Variants in CACNB2 observed in about 807,000 individuals in gnomAD.
The protein encoded by CACNB2 is voltage-dependent L-type calcium channel subunit beta-2.
A neutral mutation model predicts 73.3 loss-of-function variants in CACNB2; 42 were observed. The observed-to-expected ratio is 0.57, with a 90% CI of 0.45 to 0.74. The LOEUF is 0.74. Ranked by LOEUF, CACNB2 falls within the 30% of genes least tolerant of loss-of-function variation. The pLI, the probability that CACNB2 is intolerant of heterozygous loss-of-function variation, is 0.00. For missense variants in CACNB2, 940 were observed against 853.0 expected (o/e 1.10, Z -1.27); for synonymous variants, 348 against 310.3 (o/e 1.12, Z -1.28).
At chr10:18,449,666 G>A (rs1202283372) in intron 3 of CACNB2, among the ~76,000 whole-genome samples, 1 of 152,190 alleles carries the variant, frequency 6.6e-6, no homozygotes, top group Admixed American at 6.5e-5. Flanking sequence ...TACTGAATGA[G>A]GAAGCCAGGA....
chr10:18,353,302 C>G (rs1344951160), intron 2 of CACNB2, among the ~76,000 whole-genome samples: 3 of 151,942 alleles, frequency 2.0e-5, no homozygotes, highest in African/African-American at 7.3e-5. Flanking sequence ...CCCAGCTACT[C>G]TGGAGGCTGA....
chr10:18,518,519 G>A (rs1564643599), intron 8 of CACNB2, 103 bp downstream of exon 8: 1 of 850,616 alleles, frequency 1.2e-6, no homozygotes. Flanking sequence ...AGCTTAAGGA[G>A]CCAACTTTAG....
At chr10:18,431,181 G>A (rs2045872867) in intron 3 of CACNB2, among the ~76,000 whole-genome samples, 2 of 152,102 alleles carry the variant, frequency 1.3e-5, no homozygotes, top group African/African-American at 4.8e-5. Context: ...TGGGGTCTCG[G>A]TGTGTTGCAC....
chr10:18,256,194 A>G (rs2131576181), intron 2 of CACNB2, among the ~76,000 whole-genome samples: 1 of 152,342 alleles, frequency 6.6e-6, no homozygotes, highest in South Asian at 2.1e-4. Flanking sequence ...TTATAACAAA[A>G]TAGCTAATTT....
intron 3 of CACNB2, among the ~76,000 whole-genome samples, chr10:18,457,932 T>C: frequency 6.6e-6 from 1 of 152,118 alleles, no homozygotes; most frequent in South Asian, 2.1e-4. Flanking sequence ...GGAGAAGTAC[T>C]AAATATAAAA....
chr10:18,177,749 A>G (rs1286287030), intron 2 of CACNB2, among the ~76,000 whole-genome samples: 1 of 152,168 alleles, frequency 6.6e-6, no homozygotes, highest in East Asian at 1.9e-4. Context: ...GGAAAAGCCA[A>G]TTTTGCATTC....
At chr10:18,168,375 G>C (rs1276690673) in intron 2 of CACNB2, among the ~76,000 whole-genome samples, 2 of 152,140 alleles carry the variant, frequency 1.3e-5, no homozygotes, top group Non-Finnish European at 2.9e-5. Context: ...TTAATCACCA[G>C]ATAACTAAGT....
intron 3 of CACNB2, among the ~76,000 whole-genome samples, chr10:18,462,383 A>G (rs531184514): frequency 4.8e-4 from 73 of 152,178 alleles, no homozygotes; most frequent in Non-Finnish European, 9.7e-4. Context: ...TCTTCCAAGT[A>G]GCTAGCACTA....
chr10:18,311,496 CA>C (rs753676275), intron 2 of CACNB2, among the ~76,000 whole-genome samples: 20 of 152,192 alleles, frequency 1.3e-4, no homozygotes, highest in Non-Finnish European at 2.9e-4. Context: ...TACTGTTGAC[CA>C]GAAGCTTTAC....
At chr10:18,457,540 C>G (rs552573003) in intron 3 of CACNB2, among the ~76,000 whole-genome samples, 8 of 152,282 alleles carry the variant, frequency 5.3e-5, no homozygotes, top group Non-Finnish European at 1.2e-4. Context: ...TTAAATATGT[C>G]CCAGCTCTCC....
At chr10:18,221,471 G>T (rs1564355236) in intron 2 of CACNB2, among the ~76,000 whole-genome samples, 1 of 152,180 alleles carries the variant, frequency 6.6e-6, no homozygotes, top group Admixed American at 6.5e-5. Context: ...TTGAGGCCAG[G>T]AGTTCGAGAC....
At chr10:18,323,412 T>G (rs2131968433) in intron 2 of CACNB2, among the ~76,000 whole-genome samples, 1 of 152,192 alleles carries the variant, frequency 6.6e-6, no homozygotes, top group East Asian at 1.9e-4. Context: ...GAATATTACA[T>G]TTCTGCATTT....
intron 2 of CACNB2, among the ~76,000 whole-genome samples, chr10:18,272,043 T>C (rs1411133304): frequency 6.6e-6 from 1 of 152,158 alleles, no homozygotes; most frequent in Non-Finnish European, 1.5e-5. Flanking sequence ...TTTCTTTTTT[T>C]TTCTGGAGGG....
chr10:18,247,287 A>G (rs1192464977), intron 2 of CACNB2, among the ~76,000 whole-genome samples: 2 of 152,186 alleles, frequency 1.3e-5, no homozygotes, highest in African/African-American at 4.8e-5. Context: ...GCCACCTCCT[A>G]GACATCGTAT....
chr10:18,400,961 C>T (rs2043963664), intron 2 of CACNB2: 7 of 1,610,006 alleles, frequency 4.3e-6, no homozygotes, highest in East Asian at 4.5e-5. Flanking sequence ...TGGGGTTCTC[C>T]GGGGCTCAGC....
At chr10:18,172,388 C>G (rs2033304412) in intron 2 of CACNB2, among the ~76,000 whole-genome samples, 1 of 152,160 alleles carries the variant, frequency 6.6e-6, no homozygotes, top group Admixed American at 6.5e-5. Context: ...GCTAGCACTT[C>G]CATCTGGAGA....
intron 2 of CACNB2, among the ~76,000 whole-genome samples, chr10:18,241,013 C>T (rs973697840): frequency 1.6e-4 from 25 of 152,200 alleles, no homozygotes; most frequent in African/African-American, 5.8e-4. Context: ...TCACGGTTAT[C>T]CCTCTGCTCA....
chr10:18,408,231 CTTT>C (rs71402161), intron 3 of CACNB2, among the ~76,000 whole-genome samples: 139 of 77,938 alleles, frequency 1.8e-3, no homozygotes, highest in East Asian at 7.2e-3. Flanking sequence ...CTATCCCTGA[CTTT>C]TTTTTTTTTT....
chr10:18,219,950 A>G (rs2035665490), intron 2 of CACNB2, among the ~76,000 whole-genome samples: 1 of 149,234 alleles, frequency 6.7e-6, no homozygotes. Flanking sequence ...TATTTTTAAT[A>G]GAGATGGGGT....
Sources: gnomAD v4.1 joint callset for allele counts (sites outside exome capture counted in the v4.1 genomes callset) on GRCh38, gnomAD v4.1.1 for gene constraint, MANE v1.5 for transcripts, NCBI Gene and HGNC (gene_info 2026-07-23, HGNC 2026-07-21) for gene names.